RSU1: variants seen among roughly 807,000 people sequenced by gnomAD.
The protein encoded by RSU1 is Ras suppressor protein 1.
RSU1 carries 26 observed loss-of-function variants against 31.1 expected under a neutral mutation model. The observed-to-expected ratio is 0.84, with a 90% confidence interval of 0.61 to 1.16. RSU1 has a LOEUF of 1.16. RSU1 is among the 50% of genes most tolerant of loss of function. RSU1 has a pLI of 0.00. For missense variants in RSU1, 320 were observed against 339.1 expected (o/e 0.94, Z 0.44); for synonymous variants, 164 against 136.3 (o/e 1.20, Z -1.41).
intron 8 of RSU1, among the ~76,000 whole-genome samples, chr10:16,620,265 A>G (rs1215972543): frequency 6.6e-6 from 1 of 152,332 alleles, no homozygotes; most frequent in East Asian, 1.9e-4. Flanking sequence ...AAGTATCTTG[A>G]AAAAATGTAG....
At chr10:16,765,750 C>G (rs577647043) in intron 3 of RSU1, among the ~76,000 whole-genome samples, 1 of 152,264 alleles carries the variant, frequency 6.6e-6, no homozygotes, top group Non-Finnish European at 1.5e-5. Context: ...GGAACTCAGC[C>G]TGAGAAAGTG....
chr10:16,678,463 G>A (rs1835272050), intron 8 of RSU1, among the ~76,000 whole-genome samples: 2 of 152,260 alleles, frequency 1.3e-5, no homozygotes, highest in South Asian at 2.1e-4. Flanking sequence ...ATTTTACGAG[G>A]TGATATCACC....
intron 7 of RSU1, among the ~76,000 whole-genome samples, chr10:16,708,373 G>A (rs1332428652): frequency 6.6e-6 from 1 of 152,086 alleles, no homozygotes; most frequent in African/African-American, 2.4e-5. Context: ...TGTCTTCCTG[G>A]TGAGTAGGCT....
intron 2 of RSU1, among the ~76,000 whole-genome samples, chr10:16,803,435 T>C (rs1452967103): frequency 1.3e-5 from 2 of 152,172 alleles, no homozygotes; most frequent in African/African-American, 4.8e-5. Context: ...TCTTCCCAAG[T>C]TGATCTACAT....
chr10:16,750,598 G>A (rs1362186095), intron 7 of RSU1, among the ~76,000 whole-genome samples: 6 of 151,936 alleles, frequency 3.9e-5, no homozygotes, highest in South Asian at 4.2e-4. Flanking sequence ...AATATCCTAC[G>A]TTGCCTCACT....
intron 2 of RSU1, among the ~76,000 whole-genome samples, chr10:16,790,153 T>G (rs1047350128): frequency 3.3e-5 from 5 of 152,046 alleles, no homozygotes; most frequent in Non-Finnish European, 5.9e-5. Context: ...AAGGAACTAG[T>G]TGGTTCAATA....
chr10:16,706,247 C>T (rs111769396), intron 7 of RSU1, among the ~76,000 whole-genome samples: 16 of 152,162 alleles, frequency 1.1e-4, no homozygotes, highest in Non-Finnish European at 1.9e-4. Flanking sequence ...TCAAGGGTTC[C>T]CAACCTCATC....
intron 8 of RSU1, among the ~76,000 whole-genome samples, chr10:16,664,807 C>T (rs1834957690): frequency 6.6e-6 from 1 of 152,184 alleles, no homozygotes; most frequent in African/African-American, 2.4e-5. Flanking sequence ...CGGAAATAAA[C>T]TTCTCTTTAC....
intron 2 of RSU1, among the ~76,000 whole-genome samples, chr10:16,812,974 AT>A (rs1398701476): frequency 7.2e-6 from 1 of 139,044 alleles, no homozygotes; most frequent in Non-Finnish European, 1.5e-5. Flanking sequence ...CATTACGATT[AT>A]GCTGGGAAGC....
intron 8 of RSU1, among the ~76,000 whole-genome samples, chr10:16,612,046 G>A (rs1220370227): frequency 6.6e-6 from 1 of 152,096 alleles, no homozygotes; most frequent in Non-Finnish European, 1.5e-5. Context: ...TTGTTGGGAG[G>A]ACAAAATAAC....
At chr10:16,649,271 GAATTA>G (rs1834635400) in intron 8 of RSU1, among the ~76,000 whole-genome samples, 1 of 152,072 alleles carries the variant, frequency 6.6e-6, no homozygotes, top group South Asian at 2.1e-4. Context: ...TGAAAACGAG[GAATTA>G]AATCAGTCTC....
At chr10:16,795,104 A>AGCACTTC (rs1838000537) in intron 2 of RSU1, among the ~76,000 whole-genome samples, 1 of 152,238 alleles carries the variant, frequency 6.6e-6, no homozygotes, top group Non-Finnish European at 1.5e-5. Context: ...CTGTATTTCC[A>AGCACTTC]GCACTTCGGG....
At chr10:16,784,121 G>C (rs1837717561) in intron 2 of RSU1, among the ~76,000 whole-genome samples, 1 of 149,922 alleles carries the variant, frequency 6.7e-6, no homozygotes, top group African/African-American at 2.5e-5. Flanking sequence ...TTGCTCTGTT[G>C]CCCAGGCTGG....
At chr10:16,736,943 C>G (rs764771405) in intron 7 of RSU1, among the ~76,000 whole-genome samples, 3 of 144,472 alleles carry the variant, frequency 2.1e-5, no homozygotes, top group African/African-American at 5.1e-5. Flanking sequence ...GGAGATTAGA[C>G]ACTACAGAAC....
chr10:16,764,425 G>T lies in RSU1; in HGVS notation c.246C>A (p.Ile82=). ...GGTGTTTGAGTTTCTGAAGGCTACT[G>T]ATCTGTGTGGGCAGCTCCTCGATTT... is the stretch of plus-strand genomic sequence containing the variant. ...NNQIEELPTQ[I]SSLQKLKHLN... The change falls in exon 4 of 9, where the codon ATC becomes ATA. Residue 82 remains isoleucine (I), a synonymous_variant. Coordinates refer to ENST00000345264, the MANE Select transcript of RSU1 (RefSeq NM_012425.4). 1 of 1,613,892 alleles carries T rather than the reference G, an allele frequency of 6.2e-7. No homozygotes were observed. Among genetic ancestry groups the T allele is most frequent in the Non-Finnish European group, 8.5e-7 (1 of 1,179,910 alleles).
chr10:16,737,355 A>G (rs1166000984), intron 7 of RSU1, among the ~76,000 whole-genome samples: 1 of 152,094 alleles, frequency 6.6e-6, no homozygotes, highest in Non-Finnish European at 1.5e-5. Context: ...TAAACAGAAA[A>G]TTTTAAGAGG....
intron 7 of RSU1, among the ~76,000 whole-genome samples, chr10:16,724,711 A>T (rs1836348854): frequency 6.6e-6 from 1 of 152,190 alleles, no homozygotes; most frequent in Admixed American, 6.5e-5. Flanking sequence ...CAACCCACTG[A>T]CAGCCTCTAT....
chr10:16,595,709 T>C (rs1833599329), intron 8 of RSU1, among the ~76,000 whole-genome samples: 1 of 151,862 alleles, frequency 6.6e-6, no homozygotes, highest in South Asian at 2.1e-4. Flanking sequence ...AACAACTCCT[T>C]AAGAGAATCT....
At chr10:16,669,374 C>A (rs560183550) in intron 8 of RSU1, among the ~76,000 whole-genome samples, 1 of 147,846 alleles carries the variant, frequency 6.8e-6, no homozygotes, top group South Asian at 2.2e-4. Context: ...TGTTTTTTTT[C>A]CCCCCCCAAA....
Sources: gnomAD v4.1 joint callset for allele counts (sites outside exome capture counted in the v4.1 genomes callset) on GRCh38, gnomAD v4.1.1 for gene constraint, MANE v1.5 for transcripts, NCBI Gene and HGNC (gene_info 2026-07-23, HGNC 2026-07-21) for gene names.